Variants in ZMYND12 observed in about 807,000 individuals in gnomAD.
The protein encoded by ZMYND12 is zinc finger MYND-type containing 12.
ZMYND12 carries 32 observed loss-of-function variants against 41.7 expected under a neutral mutation model. The ratio of observed to expected loss-of-function variants is 0.77; its 90% CI spans 0.58 to 1.03. ZMYND12 has a LOEUF of 1.03. Among genes scored for constraint, ZMYND12 ranks in the 50% least tolerant of loss-of-function variants. ZMYND12 has a pLI of 0.00. For missense variants in ZMYND12, 424 were observed against 438.5 expected (o/e 0.97, Z 0.30); for synonymous variants, 148 against 164.8 (o/e 0.90, Z 0.78).
intron 2 of ZMYND12, among the ~76,000 whole-genome samples, chr1:42,449,475 A>C (rs1643059918): frequency 1.3e-5 from 2 of 152,148 alleles, no homozygotes; most frequent in African/African-American, 2.4e-5. Flanking sequence ...CCCTAACCTA[A>C]TCTGACTTGT....
intron 4 of ZMYND12, 152 bp downstream of exon 4, chr1:42,439,704 G>T: frequency 1.2e-6 from 1 of 828,294 alleles, no homozygotes; most frequent in Non-Finnish European, 1.8e-6. Flanking sequence ...GTAGAATTGT[G>T]TTATGGCTAA....
rs1642880970 is a variant in ZMYND12 at position 42,433,917 on chromosome 1, A to C, written c.830-629T>G. Among the ~76,000 whole-genome samples, 3 of 149,524 alleles carry C rather than the reference A, an allele frequency of 2.0e-5. No homozygotes were observed. The South Asian group carries it at 6.4e-4, about 32-fold the overall frequency. ...GAAAAAGACGAAAAGGATATACACC[A>C]TCATGTTAAGGTTGGCTATCTTTGG... is the stretch of plus-strand genomic sequence containing the variant. On this transcript the variant is annotated intron_variant, in intron 6 of 7. Coordinates refer to ENST00000372565, the MANE Select transcript of ZMYND12 (RefSeq NM_032257.5).
chr1:42,446,596 G>A (rs1006044171), intron 3 of ZMYND12, among the ~76,000 whole-genome samples: 1 of 150,956 alleles, frequency 6.6e-6, no homozygotes, highest in Non-Finnish European at 1.5e-5. Flanking sequence ...AGGCTGCAGT[G>A]AGCTCAGATT....
rs965674714 is a variant in ZMYND12, at chr1:42,455,820, A to G, written c.110+68T>C. On this transcript the variant is annotated intron_variant, in intron 1 of 7. Coordinates refer to ENST00000372565, the MANE Select transcript of ZMYND12 (RefSeq NM_032257.5). ...GGGCAACGGCTAACGCAAGGTACCCAAGCCAGACCCGGGAAAGGGAGAGAG... is the reference window on the plus strand; with the variant it reads ...GGGCAACGGCTAACGCAAGGTACCCGAGCCAGACCCGGGAAAGGGAGAGAG... 1.0e-5 allele frequency: 13 copies of G among 1,301,616 alleles called. No individual in the cohort carries two copies. The African/African-American group carries it at 1.6e-4, about 16-fold the overall frequency. 80.6% of individuals were successfully genotyped at this position (1,301,616 alleles called of 1,614,324 possible). A position where few individuals can be genotyped will look rare whatever the true frequency, so the allele number is the denominator to read the frequency against.
Position 42,433,177 on chromosome 1 carries a change from A to T in ZMYND12, c.941T>A (p.Val314Asp). 1 of 1,610,148 alleles carries T rather than the reference A, an allele frequency of 6.2e-7. No homozygotes were observed. The highest frequency in any genetic ancestry group is 8.5e-7 in the Non-Finnish European group (1 of 1,178,328). Residue 314 changes from valine (V) to aspartate (D), a missense_variant, in exon 7 of 8, where the codon GTC (valine) becomes GAC (aspartate). Physicochemically the swap from Val to Asp is radical, Grantham distance 152. Coordinates refer to ENST00000372565, the MANE Select transcript of ZMYND12 (RefSeq NM_032257.5). ...QKTIFVLKIL[V>D]MFYYLMMNSS... is the part of the protein sequence containing the mutation. ...ATTCATCATCAGGTAGTAAAACATG[A>T]CCAGGATCTTCAGAACAAAGATGGT...
At chr1:42,454,022 T>G (rs1643114663) in intron 1 of ZMYND12, among the ~76,000 whole-genome samples, 1 of 151,972 alleles carries the variant, frequency 6.6e-6, no homozygotes, top group Admixed American at 6.6e-5. Context: ...TGAGACTGGG[T>G]TTAGACCTCT....
At chr1:42,439,802 G>T in intron 4 of ZMYND12, 54 bp downstream of exon 4, 2 of 1,493,748 alleles carry the variant, frequency 1.3e-6, no homozygotes, top group Non-Finnish European at 1.8e-6. Flanking sequence ...AAATATACAG[G>T]TGTTATAATT....
chr1:42,430,707 A>G lies in ZMYND12; in HGVS notation c.*29T>C, dbSNP rs1302225299. On this transcript the variant is annotated 3_prime_UTR_variant, in exon 8 of 8. Transcript: ENST00000372565. ...TATTAGATCTTCAGTAGCCCCTGGA[A>G]TAACCCTTGATGCAGAGCTCATGGG... The G allele has an allele frequency of 6.2e-7, 1 of 1,611,042 alleles. No homozygotes were observed. The highest frequency in any genetic ancestry group is 1.7e-5 in the Admixed American group (1 of 59,976).
intron 1 of ZMYND12, among the ~76,000 whole-genome samples, chr1:42,453,902 A>G (rs1643113356): frequency 6.6e-6 from 1 of 152,238 alleles, no homozygotes; most frequent in Non-Finnish European, 1.5e-5. Flanking sequence ...ATGTGTGGCC[A>G]CTGGGTCTAG....
At chr1:42,433,962 T>G (rs1642881364) in intron 6 of ZMYND12, among the ~76,000 whole-genome samples, 1 of 152,200 alleles carries the variant, frequency 6.6e-6, no homozygotes, top group Non-Finnish European at 1.5e-5. Flanking sequence ...ATTTCCAAGT[T>G]TTCAGCTATA....
rs1298518096 is a variant in ZMYND12, at chr1:42,456,018, T to A, written c.-21A>T. 1 of 1,577,180 alleles carries A rather than the reference T, an allele frequency of 6.3e-7. No homozygotes were observed. The highest frequency in any genetic ancestry group is 1.1e-5 in the South Asian group (1 of 89,772). ...TTCATGGTGCAGCCAGCAGTGCTGG[T>A]CTCTAAGACGGTTGCCCAGCAAGGA... On this transcript the variant is annotated 5_prime_UTR_variant, in exon 1 of 8. Transcript: ENST00000372565.
rs149960689 is a variant in ZMYND12 at position 42,455,893 on chromosome 1, A to G, written c.105T>C (p.Tyr35=). The G allele has an allele frequency of 1.9e-6, 3 of 1,611,094 alleles. No homozygotes were observed. Among genetic ancestry groups the G allele is most frequent in the East Asian group, 4.5e-5 (2 of 44,850 alleles). The change falls in exon 1 of 8, where the codon TAT becomes TAC. Residue 35 remains tyrosine (Y), a synonymous_variant. Transcript: ENST00000372565. ...ERVCAACTVT[Y]YCGVVHQKAD... is the part of the protein sequence containing the mutation. ...TGCCACGTTTCAGGGCCTACCAGTA[A>G]TAAGTGACTGTGCAGGCCGCGCACA...
chr1:42,434,232 C>T (rs1156661761), intron 6 of ZMYND12, among the ~76,000 whole-genome samples: 1 of 152,186 alleles, frequency 6.6e-6, no homozygotes, highest in Non-Finnish European at 1.5e-5. Context: ...TTTTCATTGT[C>T]TCTGAGGGCA....
intron 6 of ZMYND12, 71 bp downstream of exon 6, chr1:42,435,203 C>T: frequency 1.6e-6 from 2 of 1,223,218 alleles, no homozygotes; most frequent in Non-Finnish European, 2.4e-6. Context: ...TGCTTTCCCT[C>T]TTAGGGACAA....
In ZMYND12 at chr1:42,430,554, T is replaced by C; in HGVS notation, c.*182A>G. The C allele has an allele frequency of 1.4e-6, 1 of 692,492 alleles. No homozygotes were observed. Among genetic ancestry groups the C allele is most frequent in the Non-Finnish European group, 2.3e-6 (1 of 439,470 alleles). The allele number at this position is 692,492 out of a possible 1,614,324, so 42.9% of individuals were successfully genotyped here. A position where few individuals can be genotyped will look rare whatever the true frequency, so the allele number is the denominator to read the frequency against. On this transcript the variant is annotated 3_prime_UTR_variant, in exon 8 of 8. Transcript: ENST00000372565. Reference sequence around the variant, plus strand: ...CACAGTTTTTAGTGATTTCTATGCCTAAAGCTTTATATTCCCTTAATATGC... The same window carrying C: ...CACAGTTTTTAGTGATTTCTATGCCCAAAGCTTTATATTCCCTTAATATGC...
chr1:42,444,289 C>T (rs1642999488), intron 3 of ZMYND12, among the ~76,000 whole-genome samples: 1 of 152,142 alleles, frequency 6.6e-6, no homozygotes, highest in African/African-American at 2.4e-5. Context: ...CCTACGATCA[C>T]CCAGACAGTA....
In ZMYND12 at chr1:42,455,075, G is replaced by A. The variant is rs1452817768; in HGVS notation, c.110+813C>T. On this transcript the variant is annotated intron_variant, in intron 1 of 7. Transcript: ENST00000372565. ...ATAAACTGCTAAAGGGCCCTGGCCT[G>A]CAGTTTGAAAATCACTGACTGCTCC... Among the ~76,000 whole-genome samples the A allele has an allele frequency of 5.9e-5, 9 of 152,186 alleles. 1 individual carries two copies. The highest frequency in any genetic ancestry group is 5.9e-4 in the Admixed American group (9 of 15,270).
At chr1:42,439,370 A>AT (rs1396524610) in intron 4 of ZMYND12, among the ~76,000 whole-genome samples, 1 of 151,508 alleles carries the variant, frequency 6.6e-6, no homozygotes, top group East Asian at 2.0e-4. Context: ...GGTTCAGGTG[A>AT]TTCCCCTGCC....
intron 1 of ZMYND12, 69 bp downstream of exon 1, chr1:42,455,819 C>A: frequency 2.3e-6 from 3 of 1,292,754 alleles, no homozygotes; most frequent in Non-Finnish European, 3.2e-6. Flanking sequence ...GCAAGGTACC[C>A]AAGCCAGACC....
Sources: gnomAD v4.1 joint callset for allele counts (sites outside exome capture counted in the v4.1 genomes callset) on GRCh38, gnomAD v4.1.1 for gene constraint, MANE v1.5 for transcripts, NCBI Gene and HGNC (gene_info 2026-07-23, HGNC 2026-07-21) for gene names.